The following DDHD1 variants were observed in gnomAD, a reference collection of about 807,000 sequenced individuals.
DDHD1 encodes DDHD domain containing 1.
DDHD1 carries 49 observed loss-of-function variants against 96.4 expected under a neutral mutation model. That is an observed-to-expected ratio of 0.51 (90% CI 0.40 to 0.64). The LOEUF is 0.64. Among genes scored for constraint, DDHD1 ranks in the 30% least tolerant of loss-of-function variants. The pLI, the probability that DDHD1 is intolerant of heterozygous loss-of-function variation, is 0.00. For missense variants in DDHD1, 1,106 were observed against 1,161.2 expected, an observed-to-expected ratio of 0.95 and a Z score of 0.69; for synonymous variants, 442 against 446.5, an observed-to-expected ratio of 0.99 and a Z score of 0.13.
chr14:53,070,987 T>C (rs374589384), intron 6 of DDHD1, among the ~76,000 whole-genome samples: 154 of 152,280 alleles, frequency 1.0e-3, no homozygotes, highest in African/African-American at 3.6e-3. Context: ...TGTTTCAGCA[T>C]TGGAGAATTT....
chr14:53,117,811 A>G (rs1888665979), intron 1 of DDHD1, among the ~76,000 whole-genome samples: 1 of 152,186 alleles, frequency 6.6e-6, no homozygotes, highest in Admixed American at 6.5e-5. Flanking sequence ...TGATTCTCTC[A>G]GCAGGGCATT....
At chr14:53,106,550 A>C (rs1455337350) in intron 1 of DDHD1, among the ~76,000 whole-genome samples, 1 of 152,124 alleles carries the variant, frequency 6.6e-6, no homozygotes, top group Non-Finnish European at 1.5e-5. Context: ...TCCCAGCTAC[A>C]GGAGGCTGAG....
intron 1 of DDHD1, among the ~76,000 whole-genome samples, chr14:53,139,843 C>CAAAAAAAAAAAAAAAAAA (rs56999105): frequency 7.6e-6 from 1 of 131,260 alleles, no homozygotes; most frequent in Non-Finnish European, 1.6e-5. Flanking sequence ...CAAGAGACCA[C>CAAAAAAAAAAAAAAAAAA]AAAAAAAAAA....
chr14:53,066,787 T>C (rs562969617), intron 6 of DDHD1, among the ~76,000 whole-genome samples: 10 of 152,050 alleles, frequency 6.6e-5, no homozygotes, highest in African/African-American at 2.2e-4. Context: ...GGCAACATGG[T>C]GAAACCCTGT....
intron 6 of DDHD1, among the ~76,000 whole-genome samples, 159 bp downstream of exon 6, chr14:53,072,438 G>C (rs1169406391): frequency 1.3e-5 from 2 of 151,900 alleles, no homozygotes; most frequent in Non-Finnish European, 2.9e-5. Flanking sequence ...ACAATGTCTA[G>C]TTTGAAGACT....
At chr14:53,131,860 A>G (rs1379159263) in intron 1 of DDHD1, among the ~76,000 whole-genome samples, 3 of 151,904 alleles carry the variant, frequency 2.0e-5, no homozygotes, top group Non-Finnish European at 4.4e-5. Context: ...CCAAAGCTCA[A>G]ATTTCTTCCC....
At chr14:53,054,747 C>T (rs912573251) in intron 10 of DDHD1, 118 bp from the exon 11 acceptor site, 4 of 916,046 alleles carry the variant, frequency 4.4e-6, no homozygotes, top group Admixed American at 2.5e-5. Flanking sequence ...CATGTTTTTC[C>T]AGGGTGGGAA....
At chr14:53,111,879 T>A (rs971440818) in intron 1 of DDHD1, among the ~76,000 whole-genome samples, 1 of 152,196 alleles carries the variant, frequency 6.6e-6, no homozygotes, top group African/African-American at 2.4e-5. Context: ...AACTGTCCAA[T>A]TGAAAGCACA....
At chr14:53,113,267 C>T (rs767581381) in intron 1 of DDHD1, among the ~76,000 whole-genome samples, 4 of 151,468 alleles carry the variant, frequency 2.6e-5, no homozygotes, top group Non-Finnish European at 5.9e-5. Flanking sequence ...GACGCCTGGC[C>T]ATCTTTCACT....
chr14:53,047,447 A>G (rs1882115213), intron 12 of DDHD1, among the ~76,000 whole-genome samples: 1 of 152,200 alleles, frequency 6.6e-6, no homozygotes, highest in Non-Finnish European at 1.5e-5. Context: ...ATCTGTGTAC[A>G]ATCCTAGAAT....
At chr14:53,124,437 T>G (rs1056164812) in intron 1 of DDHD1, among the ~76,000 whole-genome samples, 1 of 152,174 alleles carries the variant, frequency 6.6e-6, no homozygotes, top group Admixed American at 6.5e-5. Context: ...ATCCTAATAA[T>G]TATTTAGCTT....
intron 12 of DDHD1, among the ~76,000 whole-genome samples, chr14:53,049,607 T>C (rs1005748239): frequency 2.7e-5 from 4 of 149,414 alleles, no homozygotes; most frequent in African/African-American, 7.4e-5. Flanking sequence ...AGAATGGGTG[T>C]TGTCATTCAG....
intron 11 of DDHD1, 63 bp from the exon 12 acceptor site, chr14:53,051,990 G>T: frequency 7.9e-7 from 1 of 1,258,912 alleles, no homozygotes; most frequent in South Asian, 1.3e-5. Context: ...GGCCTTCAAT[G>T]ATGTAGTGGC....
intron 2 of DDHD1, among the ~76,000 whole-genome samples, chr14:53,101,780 T>C (rs1887319046): frequency 6.6e-6 from 1 of 151,984 alleles, no homozygotes; most frequent in Non-Finnish European, 1.5e-5. Flanking sequence ...ACATTTAGCA[T>C]TTAGGCAGGA....
intron 1 of DDHD1, among the ~76,000 whole-genome samples, chr14:53,136,174 C>T (rs1405433614): frequency 6.6e-6 from 1 of 152,216 alleles, no homozygotes; most frequent in African/African-American, 2.4e-5. Flanking sequence ...ACCTCCACCA[C>T]CTATCCCAAA....
intron 4 of DDHD1, among the ~76,000 whole-genome samples, chr14:53,079,599 C>T (rs1410660659): frequency 6.6e-6 from 1 of 152,156 alleles, no homozygotes; most frequent in African/African-American, 2.4e-5. Context: ...TGTAAGTTTG[C>T]TGGTAGTAAT....
Position 53,059,594 on chromosome 14 carries a change from G to A in DDHD1, c.1843-968C>T, listed in dbSNP as rs372486105. ...AAAAATAGTCTGATAGGCTGGGTGC[G>A]GTGGCCCACGCCTGTAATCCCAGCA... On this transcript the variant is annotated intron_variant, in intron 8 of 12. Coordinates refer to ENST00000673822, the MANE Select transcript of DDHD1 (RefSeq NM_001160148.2). Among the ~76,000 whole-genome samples, 19 of 149,892 alleles carry A rather than the reference G, an allele frequency of 1.3e-4. 1 individual carries two copies. In the South Asian group the frequency reaches 1.9e-3, roughly 15 times the overall value.
At chr14:53,131,876 G>A (rs918342552) in intron 1 of DDHD1, among the ~76,000 whole-genome samples, 4 of 151,860 alleles carry the variant, frequency 2.6e-5, no homozygotes, top group Non-Finnish European at 2.9e-5. Context: ...TTCCCCAACC[G>A]TTACCTACCT....
chr14:53,147,005 T>C (rs755455169), intron 1 of DDHD1, among the ~76,000 whole-genome samples: 1 of 152,052 alleles, frequency 6.6e-6, no homozygotes, highest in African/African-American at 2.4e-5. Flanking sequence ...ACAAAGGTCT[T>C]AGGTCAGATT....
Sources: gnomAD v4.1 joint callset for allele counts (sites outside exome capture counted in the v4.1 genomes callset) on GRCh38, gnomAD v4.1.1 for gene constraint, MANE v1.5 for transcripts, NCBI Gene and HGNC (gene_info 2026-07-23, HGNC 2026-07-21) for gene names.